COX7A2L: variants seen among roughly 807,000 people sequenced by gnomAD.
The protein encoded by COX7A2L is cytochrome c oxidase subunit 7A2-like, mitochondrial.
A neutral mutation model predicts 14.2 loss-of-function variants in COX7A2L; 18 were observed. The ratio of observed to expected loss-of-function variants is 1.27; its 90% CI spans 0.88 to 1.88. The LOEUF is 1.88. Among genes scored for constraint, COX7A2L ranks in the 40% most tolerant of loss-of-function variants. COX7A2L has a pLI of 0.00. For missense variants in COX7A2L, 179 were observed against 138.8 expected (o/e 1.29, Z -1.46); for synonymous variants, 65 against 57.4 (o/e 1.13, Z -0.60).
At chr2:42,359,644 C>T (rs1381064069) in intron 1 of COX7A2L, 1 of 151,382 alleles carries the variant, frequency 6.6e-6, no homozygotes, top group Non-Finnish European at 1.5e-5. Flanking sequence ...CCTTCTCCAC[C>T]CTTCCCTCAT....
At chr2:42,353,946 G>A (rs1024907681) in intron 1 of COX7A2L, among the ~76,000 whole-genome samples, 1 of 152,110 alleles carries the variant, frequency 6.6e-6, no homozygotes, top group Non-Finnish European at 1.5e-5. Flanking sequence ...GCTACAACAC[G>A]GATAAGCCTC....
At chr2:42,352,934 C>T in intron 2 of COX7A2L, 1 of 487,816 alleles carries the variant, frequency 2.0e-6, no homozygotes, top group South Asian at 3.9e-5. Context: ...GAGGCTATTG[C>T]TTCTTCCATG....
At chr2:42,336,539 C>A (rs1670277850) in intron 2 of COX7A2L, among the ~76,000 whole-genome samples, 1 of 152,112 alleles carries the variant, frequency 6.6e-6, no homozygotes, top group East Asian at 1.9e-4. Context: ...CTTGACTGAT[C>A]ACAGTAACCA....
intron 1 of COX7A2L, among the ~76,000 whole-genome samples, chr2:42,358,379 C>G (rs1300586776): frequency 6.6e-6 from 1 of 152,222 alleles, no homozygotes; most frequent in African/African-American, 2.4e-5. Context: ...CAAATCTCTA[C>G]CTGTGCAATT....
chr2:42,335,880 T>A (rs1418442347), intron 2 of COX7A2L, among the ~76,000 whole-genome samples: 1 of 152,228 alleles, frequency 6.6e-6, no homozygotes, highest in Non-Finnish European at 1.5e-5. Flanking sequence ...GGGGGGATTA[T>A]GCACAAATCC....
intron 1 of COX7A2L, among the ~76,000 whole-genome samples, chr2:42,367,876 G>A (rs1464272568): frequency 2.0e-5 from 3 of 152,188 alleles, no homozygotes; most frequent in Non-Finnish European, 4.4e-5. Flanking sequence ...CCCCCAAACT[G>A]CAAGGCTACC....
chr2:42,346,618 C>A (rs1337496500), downstream of COX7A2L, among the ~76,000 whole-genome samples: 3 of 151,978 alleles, frequency 2.0e-5, no homozygotes, highest in Admixed American at 6.6e-5. Flanking sequence ...TCGTCTCTCC[C>A]AAAAGCTTAC....
At chr2:42,364,866 AACTCC>A (rs1351792452), upstream of COX7A2L, among the ~76,000 whole-genome samples, 2 of 152,160 alleles carry the variant, frequency 1.3e-5, no homozygotes, top group African/African-American at 4.8e-5. Flanking sequence ...TATTGACATC[AACTCC>A]CTACTCTGAC....
intron 1 of COX7A2L, among the ~76,000 whole-genome samples, chr2:42,356,792 G>A (rs1200691676): frequency 1.3e-5 from 2 of 152,138 alleles, no homozygotes; most frequent in South Asian, 4.1e-4. Flanking sequence ...CAGGTACAGT[G>A]GTGCACACCT....
intron 1 of COX7A2L, among the ~76,000 whole-genome samples, chr2:42,367,754 C>T (rs1404977886): frequency 1.3e-5 from 2 of 152,192 alleles, no homozygotes; most frequent in African/African-American, 2.4e-5. Flanking sequence ...CCAAACAACC[C>T]AGGGGTTTCC....
upstream of COX7A2L, among the ~76,000 whole-genome samples, chr2:42,363,387 T>A (rs1671100237): frequency 6.6e-6 from 1 of 152,172 alleles, no homozygotes; most frequent in East Asian, 1.9e-4. Context: ...CCCACTGACT[T>A]CTGGACATAT....
Position 42,361,094 on chromosome 2 carries a change from G to T in COX7A2L, c.68C>A (p.Pro23Gln). 2 of 1,613,596 alleles carry T rather than the reference G, an allele frequency of 1.2e-6. No homozygotes were observed. The highest frequency in any genetic ancestry group is 2.2e-5 in the East Asian group (1 of 44,840). Residue 23 changes from proline to glutamine, a missense_variant, in exon 1 of 3, where the codon CCG (proline) becomes CAG (glutamine). By Grantham distance (76) the Pro-to-Gln change is moderately conservative (BLOSUM62 -1). Coordinates refer to ENST00000234301, the MANE Select transcript of COX7A2L (RefSeq NM_004718.4). Reference sequence around the variant, plus strand: ...CTGGCCAGGCGCCACTCGTACCTGCGGGCTATAGGCCTCCGAAGCCCATGC... The same window carrying T: ...CTGGCCAGGCGCCACTCGTACCTGCTGGCTATAGGCCTCCGAAGCCCATGC... ...AGAWASEAYS[P>Q]QGLKPVVSTE...
chr2:42,353,106 A>G, intron 2 of COX7A2L, 106 bp downstream of exon 2: 1 of 1,370,988 alleles, frequency 7.3e-7, no homozygotes, highest in South Asian at 1.4e-5. Context: ...ACTTAAAGAA[A>G]AAGAAGGAGG....
chr2:42,345,772 G>T, downstream of COX7A2L, among the ~76,000 whole-genome samples: 1 of 152,190 alleles, frequency 6.6e-6, no homozygotes, highest in East Asian at 1.9e-4. Flanking sequence ...TACCCCCGGG[G>T]TCATGTGAAC....
downstream of COX7A2L, among the ~76,000 whole-genome samples, chr2:42,345,361 T>C (rs1317952091): frequency 6.6e-6 from 1 of 152,134 alleles, no homozygotes; most frequent in East Asian, 1.9e-4. Flanking sequence ...CCAGCCTGGG[T>C]GACAAAAGCA....
upstream of COX7A2L, among the ~76,000 whole-genome samples, chr2:42,362,794 G>A (rs977704339): frequency 6.6e-6 from 1 of 151,446 alleles, no homozygotes; most frequent in Non-Finnish European, 1.5e-5. Flanking sequence ...TGATATAATG[G>A]AAAGAACATG....
At chr2:42,340,769 A>C (rs1489579569) in intron 2 of COX7A2L, among the ~76,000 whole-genome samples, 1 of 152,158 alleles carries the variant, frequency 6.6e-6, no homozygotes, top group Non-Finnish European at 1.5e-5. Context: ...CTGGCCCTGC[A>C]CTGGGCCGCT....
chr2:42,340,430 G>T (rs1572783111), intron 2 of COX7A2L, among the ~76,000 whole-genome samples: 1 of 152,142 alleles, frequency 6.6e-6, no homozygotes, highest in Non-Finnish European at 1.5e-5. Context: ...CACTGCCACT[G>T]TGGGTTCAAA....
chr2:42,341,731 A>G (rs1029279821), intron 2 of COX7A2L, among the ~76,000 whole-genome samples: 3 of 152,274 alleles, frequency 2.0e-5, no homozygotes, highest in Admixed American at 6.5e-5. Flanking sequence ...AACTTTAATT[A>G]GAATGACAAC....
Sources: gnomAD v4.1 joint callset for allele counts (sites outside exome capture counted in the v4.1 genomes callset) on GRCh38, gnomAD v4.1.1 for gene constraint, MANE v1.5 for transcripts, NCBI Gene and HGNC (gene_info 2026-07-23, HGNC 2026-07-21) for gene names.